Variants in CUX1 observed in about 807,000 individuals in gnomAD.
CUX1 encodes the protein cut like homeobox 1.
CUX1 carries 31 observed loss-of-function variants against 158.8 expected under a neutral mutation model. The ratio of observed to expected loss-of-function variants is 0.20; its 90% confidence interval spans 0.15 to 0.26. The LOEUF (loss-of-function observed/expected upper bound fraction) is 0.26. Among genes scored for constraint, CUX1 ranks in the 10% least tolerant of loss-of-function variants. CUX1 has a pLI of 1.00. For missense variants in CUX1, 1,589 were observed against 2,014.6 expected (o/e 0.79, Z 4.04); for synonymous variants, 879 against 862.1 (o/e 1.02, Z -0.34).
chr7:101,817,449 C>T, upstream of CUX1: 2 of 984,222 alleles, frequency 2.0e-6, no homozygotes, highest in South Asian at 9.4e-5. The surrounding 1 kb of genome is among the most constrained non-coding windows in gnomAD (Gnocchi z 4.1). Context: ...GGTCCGCGCG[C>T]GGAGTCCCCG....
At chr7:102,080,814 A>T (rs916679674) in intron 4 of CUX1, among the ~76,000 whole-genome samples, 6 of 152,190 alleles carry the variant, frequency 3.9e-5, no homozygotes, top group Non-Finnish European at 7.3e-5. Context: ...CACTTCCTTC[A>T]GAGTGATCCG....
chr7:102,150,715 G>A (rs1308289581), intron 8 of CUX1, among the ~76,000 whole-genome samples: 1 of 152,178 alleles, frequency 6.6e-6, no homozygotes, highest in African/African-American at 2.4e-5. Flanking sequence ...CATCGACCTT[G>A]ACCATGTCCT....
At chr7:101,872,907 C>G (rs915061279) in intron 1 of CUX1, among the ~76,000 whole-genome samples, 1 of 152,154 alleles carries the variant, frequency 6.6e-6, no homozygotes, top group Non-Finnish European at 1.5e-5. Context: ...GAGTCTCGCT[C>G]TGTCACCCGG....
intron 2 of CUX1, among the ~76,000 whole-genome samples, chr7:101,934,118 T>C (rs1329418555): frequency 6.6e-6 from 1 of 152,230 alleles, no homozygotes; most frequent in Non-Finnish European, 1.5e-5. Flanking sequence ...GTTTCTATCC[T>C]ATGGAACCTT....
At chr7:101,905,730 A>G (rs1454602454) in intron 1 of CUX1, among the ~76,000 whole-genome samples, 1 of 152,202 alleles carries the variant, frequency 6.6e-6, no homozygotes, top group African/African-American at 2.4e-5. Context: ...ATGGGAAGGC[A>G]TTGCCAGCTG....
chr7:101,945,741 G>T (rs1301678726), intron 2 of CUX1, among the ~76,000 whole-genome samples: 1 of 152,194 alleles, frequency 6.6e-6, no homozygotes, highest in Non-Finnish European at 1.5e-5. Context: ...GGAGTTGGGG[G>T]TTCTAGTCCG....
At chr7:102,052,533 T>C (rs1482415676) in intron 3 of CUX1, among the ~76,000 whole-genome samples, 1 of 152,218 alleles carries the variant, frequency 6.6e-6, no homozygotes, top group Non-Finnish European at 1.5e-5. Context: ...TATCCAATTA[T>C]CAGCTGATGG....
At chr7:102,280,795 C>A in intron 19 of CUX1, 1 of 1,612,894 alleles carries the variant, frequency 6.2e-7, no homozygotes, top group Non-Finnish European at 8.5e-7. Context: ...ACTGTCCCTC[C>A]CTGTGCAGGA....
chr7:101,870,832 C>A (rs1372444051), intron 1 of CUX1, among the ~76,000 whole-genome samples: 1 of 152,168 alleles, frequency 6.6e-6, no homozygotes, highest in East Asian at 1.9e-4. Flanking sequence ...TAGAGTTTTG[C>A]CTTGTAAAAT....
At position 101,896,977 on chromosome 7, in the gene CUX1, C is replaced by T. The variant is rs143270178; in HGVS notation, c.31-19138C>T. ...AGAGTAAGATACAAGCCTGGCTCAG[C>T]AGTGGCCCCCCTGAGCCTATCTGAT... On this transcript the variant is annotated intron_variant, in intron 1 of 23. Coordinates refer to ENST00000292535, the MANE Select transcript of CUX1 (RefSeq NM_181552.4). Among the ~76,000 whole-genome samples, 227 of 152,332 alleles carry T rather than the reference C, an allele frequency of 1.5e-3. 1 individual carries two copies. Among genetic ancestry groups the T allele is most frequent in the Middle Eastern group, 6.8e-3 (2 of 294 alleles).
chr7:101,965,176 C>A (rs1390122714), intron 2 of CUX1, among the ~76,000 whole-genome samples: 1 of 152,154 alleles, frequency 6.6e-6, no homozygotes, highest in Admixed American at 6.5e-5. Context: ...ACATATGAGT[C>A]GTGCCTCTTC....
In CUX1 at chr7:102,134,856, G is replaced by A. The variant is rs578205968; in HGVS notation, c.674+19583G>A. Among the ~76,000 whole-genome samples the A allele has an allele frequency of 4.6e-5, 7 of 152,140 alleles. No homozygotes were observed. The South Asian group carries it at 6.2e-4, about 14-fold the overall frequency. ...AGCGATCCTCCCACCTCTCCCTCCC[G>A]AAGTTCTGGGATTACAGACAGGAGT... On this transcript the variant is annotated intron_variant, in intron 8 of 23. Transcript: ENST00000292535.
At position 102,252,096 on chromosome 7, in the gene CUX1, G is replaced by A. The variant is rs1801577743; in HGVS notation, c.*3054G>A. 2.0e-6 allele frequency: 2 copies of A among 984,932 alleles called. No individual in the cohort carries two copies. The highest frequency in any genetic ancestry group is 6.2e-5 in the Admixed American group (1 of 16,256). 61.0% of individuals were successfully genotyped at this position (984,932 alleles called of 1,614,324 possible). A position where few individuals can be genotyped will look rare whatever the true frequency, so the allele number is the denominator to read the frequency against. Reference sequence around the variant, plus strand: ...TTGGTTAAATTTTGCTTGCAGTTCTGTGTATTTTTTTTCCTCTATTATTTA... The same window carrying A: ...TTGGTTAAATTTTGCTTGCAGTTCTATGTATTTTTTTTCCTCTATTATTTA... On this transcript the variant is annotated 3_prime_UTR_variant, in exon 24 of 24. Transcript: ENST00000292535.
chr7:101,982,859 T>C (rs1265453444), intron 2 of CUX1, among the ~76,000 whole-genome samples: 2 of 150,582 alleles, frequency 1.3e-5, no homozygotes, highest in Non-Finnish European at 3.0e-5. Context: ...CTCCTAATGC[T>C]ATCCCTCCCC....
At chr7:102,168,245 C>T (rs960892864) in intron 9 of CUX1, among the ~76,000 whole-genome samples, 12 of 152,274 alleles carry the variant, frequency 7.9e-5, no homozygotes, top group African/African-American at 2.9e-4. Flanking sequence ...CCTAGACACA[C>T]CCACCCAGGC....
At chr7:102,273,382 G>A (rs782762993) in exon 15 of CUX1, 14 of 1,612,132 alleles carry the variant, frequency 8.7e-6, no homozygotes, top group Middle Eastern at 1.6e-4. Context: ...GTGCGGAGCT[G>A]CAAGTCCGTA....
At chr7:102,172,202 G>A (rs947631036) in intron 10 of CUX1, among the ~76,000 whole-genome samples, 15 of 151,480 alleles carry the variant, frequency 9.9e-5, no homozygotes, top group Admixed American at 3.3e-4. Flanking sequence ...AGCAATTCTC[G>A]TGCCTCAGCC....
chr7:101,816,013 G>T (rs373609751), upstream of CUX1: 11 of 1,412,502 alleles, frequency 7.8e-6, no homozygotes, highest in East Asian at 2.6e-4. Flanking sequence ...CGCTCACTCC[G>T]TCTCAATATG....
chr7:101,988,776 G>A (rs1472287341), intron 2 of CUX1, among the ~76,000 whole-genome samples: 1 of 152,116 alleles, frequency 6.6e-6, no homozygotes, highest in Non-Finnish European at 1.5e-5. Context: ...CAAGACAGGA[G>A]GATTGCTTGA....
Sources: allele counts gnomAD v4.1 joint callset (sites outside exome capture counted in the v4.1 genomes callset), GRCh38; gene constraint gnomAD v4.1.1; non-coding constraint Gnocchi (gnomAD v3.1); transcripts MANE v1.5; gene names NCBI Gene and HGNC (gene_info 2026-07-23, HGNC 2026-07-21).